The following CSMD3 variants were observed in gnomAD, a reference collection of about 807,000 sequenced individuals.
The protein encoded by CSMD3 is CUB and Sushi multiple domains 3, also known as CUB and sushi domain-containing protein 3.
CSMD3 carries 177 observed loss-of-function variants against 435.2 expected under a neutral mutation model. The observed-to-expected ratio is 0.41, with a 90% CI of 0.36 to 0.46. The LOEUF (loss-of-function observed/expected upper bound fraction) is 0.46, where lower values mean the gene tolerates loss of function less well. Among genes scored for constraint, CSMD3 ranks in the 20% least tolerant of loss-of-function variants. The probability of loss-of-function intolerance (pLI) is 0.34; values close to 1 mark genes in which losing one functional copy is unlikely to be tolerated. For synonymous variants in CSMD3, 1,656 were observed against 1,520.5 expected, an observed-to-expected ratio of 1.09 and a Z score of -2.07; for missense variants, 4,265 against 4,504.6, an observed-to-expected ratio of 0.95 and a Z score of 1.52.
chr8:112,959,018 C>A (rs113281269), intron 7 of CSMD3, among the ~76,000 whole-genome samples: 1 of 152,052 alleles, frequency 6.6e-6, no homozygotes. Context: ...TAAAACATTT[C>A]CTGGCTTGAA....
chr8:113,429,069 C>G (rs2094653875), intron 1 of CSMD3, among the ~76,000 whole-genome samples: 1 of 151,752 alleles, frequency 6.6e-6, no homozygotes, highest in African/African-American at 2.4e-5. Flanking sequence ...CTGAACATTT[C>G]AACTCCTCAA....
chr8:112,504,129 C>T (rs1221340842), intron 29 of CSMD3, 152 bp from the exon 30 acceptor site: 1 of 546,362 alleles, frequency 1.8e-6, no homozygotes, highest in Admixed American at 3.6e-5. Context: ...AAAAAATCAC[C>T]TGGCAACAAC....
chr8:112,338,533 T>A lies in CSMD3; in HGVS notation c.6653-802A>T, dbSNP rs552424595. Among the ~76,000 whole-genome samples, 70 of 152,262 alleles carry A rather than the reference T, an allele frequency of 4.6e-4. 1 individual carries two copies. The highest frequency in any genetic ancestry group is 1.6e-3 in the African/African-American group (68 of 41,578). ...AAGAAGTTCAAAATTGTATTCTAATTAGTAAAATTTAAATTTCTGAAAATC... is the reference window on the plus strand; with the variant it reads ...AAGAAGTTCAAAATTGTATTCTAATAAGTAAAATTTAAATTTCTGAAAATC... On this transcript the variant is annotated intron_variant, in intron 42 of 70. Transcript: ENST00000297405.
intron 3 of CSMD3, among the ~76,000 whole-genome samples, chr8:113,264,714 A>T (rs764207902): frequency 1.1e-4 from 16 of 151,710 alleles, no homozygotes; most frequent in Non-Finnish European, 2.2e-4. Flanking sequence ...TCTATTTTTA[A>T]TTATTTAAAA....
rs118183464 is a variant in CSMD3, at chr8:112,685,225, T to C, written c.2482+181A>G. 4.0e-3 allele frequency among the ~76,000 whole-genome samples: 602 copies of C among 152,216 alleles called. 14 individuals carry two copies. The East Asian group carries it at 0.074, about 19-fold the overall frequency. ...TCACAAAAAAGGAAATGTATTAATA[T>C]AATAGAGAGTAAAATGTGATTGGAA... On this transcript the variant is annotated intron_variant, in intron 15 of 70. Transcript: ENST00000297405.
intron 12 of CSMD3, among the ~76,000 whole-genome samples, chr8:112,818,221 G>A (rs2132421603): frequency 6.6e-6 from 1 of 152,030 alleles, no homozygotes; most frequent in East Asian, 1.9e-4. Context: ...ATTAGAAAAT[G>A]TTAGAATGTT....
intron 29 of CSMD3, among the ~76,000 whole-genome samples, chr8:112,506,265 T>A (rs1822506476): frequency 6.6e-6 from 1 of 152,110 alleles, no homozygotes; most frequent in East Asian, 1.9e-4. Context: ...TATTTAAGCT[T>A]AACATTTCAC....
At chr8:113,250,303 T>G (rs1402671490) in intron 3 of CSMD3, among the ~76,000 whole-genome samples, 1 of 152,078 alleles carries the variant, frequency 6.6e-6, no homozygotes, top group East Asian at 1.9e-4. Flanking sequence ...TATTAGAATT[T>G]AGTCCATTAA....
intron 6 of CSMD3, among the ~76,000 whole-genome samples, chr8:112,995,231 G>C (rs1030598717): frequency 4.0e-5 from 6 of 151,458 alleles, no homozygotes; most frequent in African/African-American, 1.2e-4. Flanking sequence ...GCATTTGAGT[G>C]ACATAGGCAA....
chr8:112,293,547 TGA>T (rs530218659), intron 54 of CSMD3, among the ~76,000 whole-genome samples: 117 of 152,262 alleles, frequency 7.7e-4, no homozygotes, highest in African/African-American at 2.8e-3. Flanking sequence ...ATTAATATTT[TGA>T]GATAGTCTCA....
chr8:112,310,844 GT>G (rs1298211716), intron 50 of CSMD3, 133 bp downstream of exon 50: 34 of 760,178 alleles, frequency 4.5e-5, no homozygotes, highest in Non-Finnish European at 6.7e-5. Flanking sequence ...GTTATGCCTT[GT>G]TTTTATGAAA....
At chr8:112,558,811 C>T (rs900458296) in intron 24 of CSMD3, among the ~76,000 whole-genome samples, 1 of 151,888 alleles carries the variant, frequency 6.6e-6, no homozygotes, top group Non-Finnish European at 1.5e-5. Context: ...GAAATAATAA[C>T]TAGCCAAATG....
chr8:112,646,894 A>C (rs1240148063), intron 19 of CSMD3, among the ~76,000 whole-genome samples: 3 of 152,200 alleles, frequency 2.0e-5, no homozygotes. Flanking sequence ...ATATCTAATA[A>C]AACAGGATAA....
intron 63 of CSMD3, among the ~76,000 whole-genome samples, chr8:112,248,760 C>A (rs1330610309): frequency 6.6e-6 from 1 of 152,118 alleles, no homozygotes; most frequent in Admixed American, 6.6e-5. Flanking sequence ...CAGAACTATA[C>A]TAGGCCAGAA....
intron 22 of CSMD3, among the ~76,000 whole-genome samples, chr8:112,618,216 A>G (rs1372736335): frequency 6.6e-6 from 1 of 152,140 alleles, no homozygotes; most frequent in Non-Finnish European, 1.5e-5. Context: ...TTTTGAGAGT[A>G]GAAGTCTTTC....
chr8:112,296,702 A>G (rs1485169525), intron 53 of CSMD3, among the ~76,000 whole-genome samples: 1 of 152,076 alleles, frequency 6.6e-6, no homozygotes, highest in Non-Finnish European at 1.5e-5. Context: ...CTCCATGTTA[A>G]GAAGAAGCAA....
At chr8:113,220,936 G>A (rs2092959199) in intron 3 of CSMD3, among the ~76,000 whole-genome samples, 1 of 151,252 alleles carries the variant, frequency 6.6e-6, no homozygotes, top group African/African-American at 2.4e-5. Flanking sequence ...TTCTAATTAT[G>A]AGAAACAACA....
At chr8:112,827,190 T>C (rs1354464849) in intron 12 of CSMD3, among the ~76,000 whole-genome samples, 1 of 103,652 alleles carries the variant, frequency 9.6e-6, no homozygotes, top group Admixed American at 9.3e-5. Context: ...TATATATATA[T>C]ATATATATAT....
intron 12 of CSMD3, among the ~76,000 whole-genome samples, chr8:112,806,031 T>C (rs2079077162): frequency 1.3e-5 from 2 of 151,970 alleles, no homozygotes; most frequent in South Asian, 2.1e-4. Context: ...TGAGATAAAA[T>C]ATTTAGAGCA....
Sources: gnomAD v4.1 joint callset for allele counts (sites outside exome capture counted in the v4.1 genomes callset) on GRCh38, gnomAD v4.1.1 for gene constraint, MANE v1.5 for transcripts, NCBI Gene and HGNC (gene_info 2026-07-23, HGNC 2026-07-21) for gene names.